The following ACYP2 variants were observed in gnomAD, a reference collection of about 807,000 sequenced individuals.
The protein encoded by ACYP2 is acylphosphatase-2.
ACYP2 carries 12 observed loss-of-function variants against 11.2 expected under a neutral mutation model. The ratio of observed to expected loss-of-function variants is 1.08; its 90% CI spans 0.69 to 1.74. ACYP2 has a LOEUF of 1.74. ACYP2 is among the 40% of genes most tolerant of loss of function. The probability of loss-of-function intolerance (pLI) is 0.00; values close to 1 mark genes in which losing one functional copy is unlikely to be tolerated. For missense variants in ACYP2, 134 were observed against 101.9 expected (o/e 1.31, Z -1.35); for synonymous variants, 43 against 32.2 (o/e 1.33, Z -1.13).
At chr2:54,138,555 A>T in intron 5 of ACYP2, 84 bp from the exon 3 acceptor site, 1 of 1,065,984 alleles carries the variant, frequency 9.4e-7, no homozygotes, top group East Asian at 2.6e-5. Flanking sequence ...TTAGGTTAGC[A>T]TTTTTTGGAT....
intron 6 of ACYP2, among the ~76,000 whole-genome samples, chr2:54,238,727 T>C (rs531858879): frequency 3.4e-4 from 51 of 152,234 alleles, no homozygotes; most frequent in African/African-American, 1.2e-3. Flanking sequence ...AGATGCATTA[T>C]TTTCCAGTGA....
Position 54,018,834 on chromosome 2 carries a change from G to A in ACYP2, c.63-32124G>A, listed in dbSNP as rs1004275497. Among the ~76,000 whole-genome samples, 4 of 151,916 alleles carry A rather than the reference G, an allele frequency of 2.6e-5. No homozygotes were observed. In the East Asian group the frequency reaches 5.8e-4, roughly 22 times the overall value. ...TCCATCTCGGCTCACTACAACGTCCGCCTCCCAGGTTCAAGTGATTCTCCT... is the reference window on the plus strand; with the variant it reads ...TCCATCTCGGCTCACTACAACGTCCACCTCCCAGGTTCAAGTGATTCTCCT... On this transcript the variant is annotated intron_variant, in intron 2 of 6. Transcript: ENST00000607452.
At chr2:54,097,576 T>G (rs977072634) in intron 4 of ACYP2, among the ~76,000 whole-genome samples, 1 of 152,166 alleles carries the variant, frequency 6.6e-6, no homozygotes, top group Non-Finnish European at 1.5e-5. Flanking sequence ...TTTTGGAAAT[T>G]TTCAAGCATA....
chr2:54,240,785 C>T (rs541144755), intron 6 of ACYP2, among the ~76,000 whole-genome samples: 1 of 152,218 alleles, frequency 6.6e-6, no homozygotes, highest in Non-Finnish European at 1.5e-5. Flanking sequence ...TCTAGGGCAT[C>T]TGTTACCTAA....
chr2:54,179,824 G>A (rs1319465699), intron 6 of ACYP2, among the ~76,000 whole-genome samples: 4 of 152,128 alleles, frequency 2.6e-5, no homozygotes, highest in Admixed American at 2.6e-4. Context: ...TGTCTTAACT[G>A]TCGGGGAATG....
chr2:54,292,872 T>G (rs890004929), intron 6 of ACYP2, among the ~76,000 whole-genome samples: 3 of 152,200 alleles, frequency 2.0e-5, no homozygotes, highest in Non-Finnish European at 4.4e-5. Flanking sequence ...GCAGAGTTGC[T>G]CCAACAGGCC....
At chr2:54,218,166 G>C (rs574511993) in intron 6 of ACYP2, among the ~76,000 whole-genome samples, 13 of 152,202 alleles carry the variant, frequency 8.5e-5, no homozygotes, top group African/African-American at 2.9e-4. Flanking sequence ...AAGTAGTCTT[G>C]TTCTTCATTA....
chr2:54,061,046 G>C (rs1676445463), intron 4 of ACYP2, among the ~76,000 whole-genome samples: 1 of 152,078 alleles, frequency 6.6e-6, no homozygotes, highest in East Asian at 1.9e-4. Context: ...ATAGAGGCAT[G>C]GTCTCCCTAT....
rs70944152 is a variant in ACYP2 at position 54,202,706 on chromosome 2, CTTTTTTTTTTTTTTTTTTTTTTTTTTTTT to C, written c.404+63971_404+63999del. ...TACAGGTGTGAGCCACGGCGCCTGGCTTTTTTTTTTTTTTTTTTTTTTTTTTTTTTTTTTTTTTTTTGAGATGAGTCTTG... is the reference window on the plus strand; with the variant it reads ...TACAGGTGTGAGCCACGGCGCCTGGCTTTTTTTTTTTTGAGATGAGTCTTG... On this transcript the variant is annotated intron_variant, in intron 6 of 6. Coordinates refer to ENST00000607452, the MANE Select transcript of ACYP2 (RefSeq NM_001320586.2). Among the ~76,000 whole-genome samples, 5 of 43,056 alleles carry C rather than the reference CTTTTTTTTTTTTTTTTTTTTTTTTTTTTT, an allele frequency of 1.2e-4. No individual in the cohort carries two copies. In the South Asian group the frequency reaches 2.6e-3, roughly 23 times the overall value. The allele number at this position is 43,056 out of a possible 152,430, so 28.2% of individuals were successfully genotyped here.
intron 6 of ACYP2, among the ~76,000 whole-genome samples, chr2:54,190,922 T>TA (rs1003269975): frequency 1.3e-5 from 2 of 152,194 alleles, no homozygotes; most frequent in Non-Finnish European, 2.9e-5. Context: ...GTCCCTTTCT[T>TA]ATAGTTGCTC....
intron 5 of ACYP2, among the ~76,000 whole-genome samples, chr2:54,136,507 C>A (rs112061175): frequency 7.9e-5 from 12 of 152,200 alleles, no homozygotes; most frequent in African/African-American, 2.9e-4. Flanking sequence ...CCCCAAAATT[C>A]AGATTGTCTC....
At chr2:54,175,225 T>G (rs1683405822) in intron 6 of ACYP2, among the ~76,000 whole-genome samples, 2 of 152,224 alleles carry the variant, frequency 1.3e-5, no homozygotes, top group South Asian at 4.1e-4. Context: ...ACTGGTCTTT[T>G]CAGAGATTCA....
At chr2:54,037,191 GAACC>G (rs1674947876) in intron 2 of ACYP2, among the ~76,000 whole-genome samples, 1 of 151,670 alleles carries the variant, frequency 6.6e-6, no homozygotes, top group African/African-American at 2.4e-5. Context: ...TGGCTCACTA[GAACC>G]TCTGCCTCCC....
intron 1 of ACYP2, among the ~76,000 whole-genome samples, chr2:53,973,043 G>A (rs910397190): frequency 3.5e-4 from 53 of 152,134 alleles, no homozygotes; most frequent in African/African-American, 1.2e-3. Context: ...GAAAAGGAAG[G>A]TAGGCCACAA....
chr2:54,058,012 T>G (rs11896815), intron 4 of ACYP2, among the ~76,000 whole-genome samples: 1 of 152,078 alleles, frequency 6.6e-6, no homozygotes, highest in Non-Finnish European at 1.5e-5. Context: ...ACATAGAAAA[T>G]AGGAGAAAAT....
intron 6 of ACYP2, among the ~76,000 whole-genome samples, chr2:54,230,821 TTTCTTTTC>T (rs1484119273): frequency 7.2e-6 from 1 of 139,364 alleles, no homozygotes; most frequent in East Asian, 2.0e-4. Flanking sequence ...AATGTATTTC[TTTCTTTTC>T]TTTTTTTTTT....
intron 2 of ACYP2, among the ~76,000 whole-genome samples, chr2:54,022,843 T>A (rs1407136152): frequency 6.6e-6 from 1 of 152,204 alleles, no homozygotes; most frequent in African/African-American, 2.4e-5. Context: ...GGAATCCGAA[T>A]GGACAGGCCT....
intron 2 of ACYP2, among the ~76,000 whole-genome samples, chr2:53,999,424 C>G (rs1268567045): frequency 1.3e-5 from 2 of 152,032 alleles, no homozygotes; most frequent in Non-Finnish European, 2.9e-5. Flanking sequence ...CTTAGAGGGC[C>G]CATCTGAGGA....
intron 6 of ACYP2, chr2:54,253,362 T>C (rs1222920532): frequency 6.6e-6 from 1 of 152,232 alleles, no homozygotes; most frequent in Non-Finnish European, 1.5e-5. Context: ...ACTGATATTA[T>C]TCCAAATATT....
Sources: gnomAD v4.1 joint callset for allele counts (sites outside exome capture counted in the v4.1 genomes callset) on GRCh38, gnomAD v4.1.1 for gene constraint, MANE v1.5 for transcripts, NCBI Gene and HGNC (gene_info 2026-07-23, HGNC 2026-07-21) for gene names.